The following DNHD1 variants were observed in gnomAD, a reference collection of about 807,000 sequenced individuals.
DNHD1 encodes dynein heavy chain domain 1.
DNHD1 carries 383 observed loss-of-function variants against 458.1 expected under a neutral mutation model. The ratio of observed to expected loss-of-function variants is 0.84; its 90% CI spans 0.77 to 0.91. The LOEUF (loss-of-function observed/expected upper bound fraction) is 0.91, where lower values mean the gene tolerates loss of function less well. Ranked by LOEUF, DNHD1 falls within the 40% of genes least tolerant of loss-of-function variation. The pLI, the probability that DNHD1 is intolerant of heterozygous loss-of-function variation, is 0.00. For missense variants in DNHD1, 5,336 were observed against 5,866.1 expected (o/e 0.91, Z 2.95); for synonymous variants, 2,203 against 2,376.9 (o/e 0.93, Z 2.13).
At chr11:6,501,682 G>C (rs1231406460) in intron 3 of DNHD1, among the ~76,000 whole-genome samples, 4 of 152,118 alleles carry the variant, frequency 2.6e-5, no homozygotes, top group African/African-American at 9.7e-5. Context: ...AGGCCTGAAA[G>C]AGGTAGCTGT....
chr11:6,527,945 A>G (rs895260520), intron 10 of DNHD1, among the ~76,000 whole-genome samples: 1 of 152,236 alleles, frequency 6.6e-6, no homozygotes, highest in Non-Finnish European at 1.5e-5. Flanking sequence ...CATTCCCAGC[A>G]ACTCCTCTGT....
Position 6,534,167 on chromosome 11 carries a change from T to C in DNHD1, c.2992T>C (p.Phe998Leu). ...LSELHHAYAI[F>L]TEDETPVPLP... ...TGAACTGCACCACGCCTATGCCATC[T>C]TCACTGGTACTGAGGATCCCTGCAC... The change falls in exon 14 of 43, where the codon TTC becomes CTC. Residue 998 changes from phenylalanine (F) to leucine (L), a missense_variant. Physicochemically the swap from Phe to Leu is conservative, Grantham distance 22. Transcript: ENST00000254579. 6.4e-7 allele frequency: 1 copy of C among 1,550,932 alleles called. No individual in the cohort carries two copies. The highest frequency in any genetic ancestry group is 2.4e-5 in the East Asian group (1 of 40,896).
intron 10 of DNHD1, among the ~76,000 whole-genome samples, chr11:6,526,995 G>A (rs1439337049): frequency 6.6e-6 from 1 of 152,176 alleles, no homozygotes; most frequent in Non-Finnish European, 1.5e-5. Context: ...TGTGTGTTTT[G>A]AGGTTGCAGA....
At position 6,566,217 on chromosome 11, in the gene DNHD1, G is replaced by T. The variant is rs761479340; in HGVS notation, c.11054-24G>T. 1.2e-5 allele frequency: 18 copies of T among 1,548,926 alleles called. No homozygotes were observed. In the South Asian group the frequency reaches 2.1e-4, roughly 18 times the overall value. On this transcript the variant is annotated intron_variant, in intron 33 of 42. Coordinates refer to ENST00000254579, the MANE Select transcript of DNHD1 (RefSeq NM_144666.3). ...TCATGGGTGCTGGCATTGTGGGTAG[G>T]GTGCCTTTGCCTCCCTCTCACAGGC...
chr11:6,564,175 C>T (rs1853645190), intron 31 of DNHD1, 51 bp downstream of exon 31: 44 of 1,522,474 alleles, frequency 2.9e-5, no homozygotes, highest in South Asian at 1.5e-4. Context: ...TTATGCCGTT[C>T]GCCTGCTCCT....
chr11:6,556,710 T>C lies in DNHD1; in HGVS notation c.7415T>C (p.Leu2472Ser). ...SDPEKSCQPV[L>S]ETLRQAMDGT... ...CCAGAGAAGAGCTGCCAGCCAGTGT[T>C]GGAGACTCTGCGCCAGGCCATGGAT... The change falls in exon 25 of 43, where the codon TTG (leucine) becomes TCG (serine). Residue 2472 changes from leucine (L) to serine (S), a missense_variant. By Grantham distance (145) the Leu-to-Ser change is moderately radical (BLOSUM62 -2). Transcript: ENST00000254579. 1 of 1,548,924 alleles carries C rather than the reference T, an allele frequency of 6.5e-7. No individual in the cohort carries two copies. Among genetic ancestry groups the C allele is most frequent in the Non-Finnish European group, 8.7e-7 (1 of 1,144,690 alleles).
chr11:6,539,974 C>T lies in DNHD1; in HGVS notation c.3519C>T (p.Ile1173=). 6.4e-7 allele frequency: 1 copy of T among 1,551,760 alleles called. No homozygotes were observed. Among genetic ancestry groups the T allele is most frequent in the Non-Finnish European group, 8.7e-7 (1 of 1,146,994 alleles). ...EARQLRLLNF[I]LHVPYEPPAS... is the part of the protein sequence containing the mutation. ...GCCAGCTGCGCCTGCTCAACTTCATCCTGCATGTACCCTACGAGCCCCCAG... is the reference window on the plus strand; with the variant it reads ...GCCAGCTGCGCCTGCTCAACTTCATTCTGCATGTACCCTACGAGCCCCCAG... The change falls in exon 18 of 43, where the codon ATC becomes ATT. Residue 1173 remains isoleucine, a synonymous_variant. Coordinates refer to ENST00000254579, the MANE Select transcript of DNHD1 (RefSeq NM_144666.3).
At chr11:6,562,836 C>G in intron 28 of DNHD1, 146 bp from the exon 29 acceptor site, 1 of 892,406 alleles carries the variant, frequency 1.1e-6, no homozygotes, top group Non-Finnish European at 1.7e-6. Context: ...ACCCAGAGCT[C>G]AGCCTCTCTC....
In DNHD1 at chr11:6,498,722, G is replaced by A. The variant is rs761875605; in HGVS notation, c.507G>A (p.Gln169=). ...RPPCPACPFV[Q]AQWSRQQVKE... ...CATGCCCAGCTTGCCCTTTTGTGCA[G>A]GCCCAGTGGAGCAGGCAGCAAGTAA... Residue 169 remains glutamine (Q), a synonymous_variant, in exon 3 of 43, where the codon CAG becomes CAA. Transcript: ENST00000254579. 6.2e-7 allele frequency: 1 copy of A among 1,614,210 alleles called. No homozygotes were observed. Among genetic ancestry groups the A allele is most frequent in the Non-Finnish European group, 8.5e-7 (1 of 1,180,026 alleles).
chr11:6,546,629 G>C lies in DNHD1; in HGVS notation c.5690G>C (p.Cys1897Ser). Reference protein sequence around the residue: ...TLNVTKEEPKCQKPRSLAAIE... With the variant: ...TLNVTKEEPKSQKPRSLAAIE... Reference sequence around the variant, plus strand: ...AATGTGACCAAGGAGGAACCGAAGTGCCAGAAGCCTCGCAGCCTAGCTGCC... The same window carrying C: ...AATGTGACCAAGGAGGAACCGAAGTCCCAGAAGCCTCGCAGCCTAGCTGCC... The change falls in exon 21 of 43, where the codon TGC becomes TCC. Residue 1897 changes from cysteine to serine, a missense_variant. Coordinates refer to ENST00000254579, the MANE Select transcript of DNHD1 (RefSeq NM_144666.3). 1 of 1,551,506 alleles carries C rather than the reference G, an allele frequency of 6.4e-7. No homozygotes were observed. The highest frequency in any genetic ancestry group is 8.7e-7 in the Non-Finnish European group (1 of 1,146,796).
chr11:6,525,231 G>A (rs956832983), intron 10 of DNHD1, among the ~76,000 whole-genome samples: 7 of 152,072 alleles, frequency 4.6e-5, no homozygotes, highest in African/African-American at 1.4e-4. Context: ...AATCTTTTCC[G>A]GAAACTCCCC....
At chr11:6,499,882 T>A (rs2134361348) in intron 3 of DNHD1, among the ~76,000 whole-genome samples, 1 of 152,040 alleles carries the variant, frequency 6.6e-6, no homozygotes. Flanking sequence ...TTTTCTTTTT[T>A]AAAATATCTG....
chr11:6,510,184 A>C (rs1294666937), intron 6 of DNHD1, among the ~76,000 whole-genome samples: 1 of 152,040 alleles, frequency 6.6e-6, no homozygotes, highest in Non-Finnish European at 1.5e-5. Flanking sequence ...CCTGGGTTCA[A>C]GCAATTCTCC....
rs1033929964 is a variant in DNHD1 at position 6,500,990 on chromosome 11, A to G, written c.747-1763A>G. On this transcript the variant is annotated intron_variant, in intron 3 of 42. Transcript: ENST00000254579. ...AGAGAGGGAGTGTAGTTAGGGGGAA[A>G]GCATGTGGGGGGAGTGTTCAAGTCT... Among the ~76,000 whole-genome samples, 7 of 151,986 alleles carry G rather than the reference A, an allele frequency of 4.6e-5. No homozygotes were observed. In the East Asian group the frequency reaches 1.4e-3, roughly 29 times the overall value.
At position 6,564,002 on chromosome 11, in the gene DNHD1, G is replaced by A; in HGVS notation, c.10162G>A (p.Ala3388Thr). 1.3e-6 allele frequency: 2 copies of A among 1,551,738 alleles called. No homozygotes were observed. The highest frequency in any genetic ancestry group is 8.7e-7 in the Non-Finnish European group (1 of 1,146,990). The change falls in exon 31 of 43, where the codon GCC becomes ACC. Residue 3388 changes from alanine (A) to threonine (T), a missense_variant. Physicochemically the swap from Ala to Thr is moderately conservative, Grantham distance 58. This residue lies in a region of DNHD1 where 3,932 missense variants were observed against 4,365.6 expected (regional missense o/e 0.90). Coordinates refer to ENST00000254579, the MANE Select transcript of DNHD1 (RefSeq NM_144666.3). ...GGCCCTGGCTAAGATGGTGGAGGAT[G>A]CCCAAGCTTCCCACAACTGCGTGGC... is the stretch of plus-strand genomic sequence containing the variant. The part of the protein sequence containing the change: ...NLALAKMVED[A>T]QASHNCVAKT...
In DNHD1 at chr11:6,568,518, TCA is replaced by T; in HGVS notation, c.12606_12607del (p.His4202GlnfsTer14). ...CTGAAAGCAGGAATGTAAGCACTGT[TCA>T]CAGAGATTTTCGTCTTTGGCTTATT... is the stretch of plus-strand genomic sequence containing the variant. ...QPESRNVSTVHRDFRLWLIVP... is the reference protein window; with the variant it reads ...QPESRNVSTVXRDFRLWLIVP... On this transcript the variant is annotated frameshift_variant, in exon 38 of 43. Coordinates refer to ENST00000254579, the MANE Select transcript of DNHD1 (RefSeq NM_144666.3). LOFTEE classifies it high-confidence loss of function. 4 of 1,614,024 alleles carry T rather than the reference TCA, an allele frequency of 2.5e-6. No homozygotes were observed. In the East Asian group the frequency reaches 8.9e-5, roughly 36 times the overall value.
At chr11:6,515,588 T>C (rs1218199262) in intron 7 of DNHD1, among the ~76,000 whole-genome samples, 1 of 151,314 alleles carries the variant, frequency 6.6e-6, no homozygotes, top group Non-Finnish European at 1.5e-5. Flanking sequence ...TCTTGCTGGG[T>C]ACTTTCCCCT....
chr11:6,556,554 T>G, intron 24 of DNHD1, 129 bp from the exon 25 acceptor site: 1 of 873,400 alleles, frequency 1.1e-6, no homozygotes, highest in Non-Finnish European at 1.7e-6. Context: ...TACTCAAATG[T>G]GACCAAGTCC....
chr11:6,519,461 T>G, intron 7 of DNHD1, 139 bp from the exon 8 acceptor site: 1 of 903,424 alleles, frequency 1.1e-6, no homozygotes, highest in South Asian at 1.6e-5. Context: ...TAGGGTAAAC[T>G]CTACTAAAAA....
Sources: allele counts gnomAD v4.1 joint callset (sites outside exome capture counted in the v4.1 genomes callset), GRCh38; gene constraint gnomAD v4.1.1; regional missense constraint gnomAD v4.1.1; transcripts MANE v1.5; gene names NCBI Gene and HGNC (gene_info 2026-07-23, HGNC 2026-07-21).